The following CD163L1 variants were observed in gnomAD, a reference collection of about 807,000 sequenced individuals.
The protein encoded by CD163L1 is scavenger receptor cysteine-rich type 1 protein M160.
A neutral mutation model predicts 165.4 loss-of-function variants in CD163L1; 124 were observed. The ratio of observed to expected loss-of-function variants is 0.75; its 90% CI spans 0.65 to 0.87. The LOEUF (loss-of-function observed/expected upper bound fraction) is 0.87, where lower values mean the gene tolerates loss of function less well. CD163L1 is among the 40% of genes least tolerant of loss of function. CD163L1 has a pLI of 0.00. For synonymous variants in CD163L1, 585 were observed against 662.2 expected (o/e 0.88, Z 1.79); for missense variants, 1,525 against 1,799.9 (o/e 0.85, Z 2.76).
At chr12:7,421,172 T>A (rs1169127690) in intron 4 of CD163L1, among the ~76,000 whole-genome samples, 6 of 136,308 alleles carry the variant, frequency 4.4e-5, no homozygotes, top group Non-Finnish European at 3.1e-5. Flanking sequence ...TATATGTATA[T>A]ATGTATATAT....
In CD163L1 at chr12:7,400,235, G is replaced by C. The variant is rs890993520; in HGVS notation, c.1409-1651C>G. Reference sequence around the variant, plus strand: ...CGGACATCCTTACACATAAAGTTTTGAGTATGTCACCAAGTGCTTCCACAA... The same window carrying C: ...CGGACATCCTTACACATAAAGTTTTCAGTATGTCACCAAGTGCTTCCACAA... On this transcript the variant is annotated intron_variant, in intron 6 of 19. Transcript: ENST00000313599. This position sits in a 1 kb window ranked among gnomAD's most constrained non-coding sequence, Gnocchi z 4.1. Among the ~76,000 whole-genome samples the C allele has an allele frequency of 6.6e-6, 1 of 152,036 alleles. No homozygotes were observed. Among genetic ancestry groups the C allele is most frequent in the Non-Finnish European group, 1.5e-5 (1 of 68,022 alleles).
chr12:7,324,535 C>G, the CD163L1 span: 5 of 1,613,942 alleles, frequency 3.1e-6, no homozygotes, highest in Admixed American at 1.7e-5. Flanking sequence ...AGAGTGCACT[C>G]ATTGAGCATC....
intron 14 of CD163L1, among the ~76,000 whole-genome samples, chr12:7,370,754 T>TA (rs1157670927): frequency 1.3e-5 from 2 of 152,190 alleles, no homozygotes; most frequent in African/African-American, 4.8e-5. Context: ...GTTTATTTTT[T>TA]CTCGTCATTT....
At position 7,369,929 on chromosome 12, in the gene CD163L1, T is replaced by C. The variant is rs1392873666; in HGVS notation, c.3731-264A>G. On this transcript the variant is annotated intron_variant, in intron 14 of 19. Coordinates refer to ENST00000313599, the MANE Select transcript of CD163L1 (RefSeq NM_174941.6). The surrounding 1 kb of genome is among the most constrained non-coding windows in gnomAD (Gnocchi z 4.9). ...GATATTCATTTTCTACTCTAGATGT[T>C]TGAAAACAAAACATATTGATTTCAT... is the stretch of plus-strand genomic sequence containing the variant. Among the ~76,000 whole-genome samples, 1 of 152,240 alleles carries C rather than the reference T, an allele frequency of 6.6e-6. No individual in the cohort carries two copies. The highest frequency in any genetic ancestry group is 6.5e-5 in the Admixed American group (1 of 15,294).
chr12:7,425,563 A>C (rs1393582727), intron 4 of CD163L1, among the ~76,000 whole-genome samples: 1 of 152,182 alleles, frequency 6.6e-6, no homozygotes, highest in Non-Finnish European at 1.5e-5. Flanking sequence ...AATGGGAGAA[A>C]ATTTTTGCAG....
At chr12:7,352,749 A>G (rs1946716044), downstream of CD163L1, among the ~76,000 whole-genome samples, 1 of 152,164 alleles carries the variant, frequency 6.6e-6, no homozygotes, top group Non-Finnish European at 1.5e-5. Context: ...GCTGCATAGT[A>G]TGGAGGACTT....
At chr12:7,405,275 T>G (rs1192412352) in intron 5 of CD163L1, among the ~76,000 whole-genome samples, 1 of 152,146 alleles carries the variant, frequency 6.6e-6, no homozygotes, top group Non-Finnish European at 1.5e-5. Context: ...AGATTCTCTC[T>G]GTTTCCTTCC....
chr12:7,369,462 C>A lies in CD163L1; in HGVS notation c.3934G>T (p.Asp1312Tyr). 1 of 1,614,184 alleles carries A rather than the reference C, an allele frequency of 6.2e-7. No individual in the cohort carries two copies. Among genetic ancestry groups the A allele is most frequent in the Non-Finnish European group, 8.5e-7 (1 of 1,180,040 alleles). ...GACTCATTTCCTTTGCACCGCATGT[C>A]ATCCAACCAGATGGTTCCAGTTCCC... ...GQGTGTIWLDDMRCKGNESFL... is the reference protein window; with the variant it reads ...GQGTGTIWLDYMRCKGNESFL... Residue 1312 changes from aspartate to tyrosine, a missense_variant, in exon 15 of 20, where the codon GAC becomes TAC. Coordinates refer to ENST00000313599, the MANE Select transcript of CD163L1 (RefSeq NM_174941.6). The surrounding 1 kb of genome is among the most constrained non-coding windows in gnomAD (Gnocchi z 4.9).
At chr12:7,396,831 A>G (rs890036940) in intron 7 of CD163L1, among the ~76,000 whole-genome samples, 4 of 150,306 alleles carry the variant, frequency 2.7e-5, no homozygotes, top group Non-Finnish European at 5.9e-5. Flanking sequence ...CTCTCTCTCT[A>G]CATACATACA....
At chr12:7,329,599 T>C in the CD163L1 span, among the ~76,000 whole-genome samples, 1 of 152,016 alleles carries the variant, frequency 6.6e-6, no homozygotes, top group Non-Finnish European at 1.5e-5. Context: ...AAGACTGCAG[T>C]TGTTTTTTTT....
At chr12:7,333,321 T>A in the CD163L1 span, among the ~76,000 whole-genome samples, 1 of 152,220 alleles carries the variant, frequency 6.6e-6, no homozygotes, top group African/African-American at 2.4e-5. Flanking sequence ...AAACTAGAAC[T>A]CAGGATTAAG....
At chr12:7,323,392 T>C in the CD163L1 span, 1 of 1,595,340 alleles carries the variant, frequency 6.3e-7, no homozygotes, top group East Asian at 2.2e-5. Context: ...TGCACAACTA[T>C]TCATAAGCTG....
downstream of CD163L1, among the ~76,000 whole-genome samples, chr12:7,352,144 C>T (rs1396975228): frequency 6.6e-6 from 1 of 152,006 alleles, no homozygotes; most frequent in African/African-American, 2.4e-5. Flanking sequence ...TGAGAGATGA[C>T]AGAATGAACA....
At chr12:7,388,840 T>C (rs1054664861) in intron 8 of CD163L1, among the ~76,000 whole-genome samples, 2 of 150,266 alleles carry the variant, frequency 1.3e-5, no homozygotes, top group African/African-American at 2.5e-5. Flanking sequence ...AAACTAAAAA[T>C]AGAACTTAAT....
intron 8 of CD163L1, among the ~76,000 whole-genome samples, chr12:7,394,980 T>C (rs1028889807): frequency 2.6e-5 from 4 of 152,196 alleles, no homozygotes; most frequent in African/African-American, 9.7e-5. Context: ...ATAGGAACGT[T>C]TTTACACTGT....
downstream of CD163L1, among the ~76,000 whole-genome samples, chr12:7,342,168 C>G (rs1414235032): frequency 6.6e-6 from 1 of 152,212 alleles, no homozygotes; most frequent in Non-Finnish European, 1.5e-5. Context: ...AACAAAATCT[C>G]TGCAGCACTG....
chr12:7,419,750 TTAC>T (rs916019935), intron 4 of CD163L1, among the ~76,000 whole-genome samples: 6 of 151,992 alleles, frequency 3.9e-5, no homozygotes, highest in Admixed American at 3.3e-4. Context: ...TCAACTGTTT[TTAC>T]AATAGCTGCA....
At chr12:7,319,596 A>G in the CD163L1 span, among the ~76,000 whole-genome samples, 5 of 151,826 alleles carry the variant, frequency 3.3e-5, no homozygotes, top group Admixed American at 3.3e-4. Flanking sequence ...TCTCAAAAAA[A>G]AAAAAAAAAG....
At chr12:7,421,064 T>TATACGTATATATATAC (rs1435429769) in intron 4 of CD163L1, among the ~76,000 whole-genome samples, 2 of 87,446 alleles carry the variant, frequency 2.3e-5, no homozygotes, top group East Asian at 4.5e-4. Flanking sequence ...TACGTATATA[T>TATACGTATATATATAC]GTATATATAC....
Sources: gnomAD v4.1 joint callset for allele counts (sites outside exome capture counted in the v4.1 genomes callset) on GRCh38, gnomAD v4.1.1 for gene constraint, Gnocchi (gnomAD v3.1) non-coding constraint, MANE v1.5 for transcripts, NCBI Gene and HGNC (gene_info 2026-07-23, HGNC 2026-07-21) for gene names.